Variants in MMP26 observed in about 807,000 individuals in gnomAD.
The protein encoded by MMP26 is matrix metalloproteinase-26.
A neutral mutation model predicts 31.0 loss-of-function variants in MMP26; 33 were observed. The ratio of observed to expected loss-of-function variants is 1.06; its 90% CI spans 0.81 to 1.42. The LOEUF (loss-of-function observed/expected upper bound fraction) is 1.42, where lower values mean the gene tolerates loss of function less well. Ranked by LOEUF, MMP26 falls within the 40% of genes most tolerant of loss-of-function variation. MMP26 has a pLI of 0.00. For missense variants in MMP26, 347 were observed against 316.1 expected, an observed-to-expected ratio of 1.10 and a Z score of -0.74; for synonymous variants, 122 against 114.9, an observed-to-expected ratio of 1.06 and a Z score of -0.40.
chr11:4,828,572 A>T (rs1402554884), intron 2 of MMP26, among the ~76,000 whole-genome samples: 3 of 152,060 alleles, frequency 2.0e-5, no homozygotes, highest in Non-Finnish European at 4.4e-5. Context: ...AAGCGGGGGG[A>T]GATTTTTTAT....
chr11:4,988,667 A>T (rs1372588677), intron 3 of MMP26, among the ~76,000 whole-genome samples: 1 of 152,096 alleles, frequency 6.6e-6, no homozygotes, highest in East Asian at 1.9e-4. Flanking sequence ...AAATCATTCA[A>T]ATAAATTAAT....
chr11:4,713,722 C>T (rs1847890932), intron 1 of MMP26, among the ~76,000 whole-genome samples: 1 of 151,976 alleles, frequency 6.6e-6, no homozygotes, highest in Non-Finnish European at 1.5e-5. Context: ...ATATAAAATT[C>T]ACCTAAATAA....
intron 2 of MMP26, among the ~76,000 whole-genome samples, chr11:4,842,420 A>G (rs1279957170): frequency 6.6e-6 from 1 of 152,228 alleles, no homozygotes; most frequent in Non-Finnish European, 1.5e-5. Flanking sequence ...ACAGGAGGCA[A>G]GGCTGTGGAG....
At chr11:4,918,271 C>T (rs1851128572) in intron 2 of MMP26, among the ~76,000 whole-genome samples, 1 of 152,018 alleles carries the variant, frequency 6.6e-6, no homozygotes, top group African/African-American at 2.4e-5. Flanking sequence ...TAACGAATCC[C>T]AGCAATTATT....
intron 2 of MMP26, chr11:4,955,765 G>A (rs1304248349): frequency 2.0e-6 from 3 of 1,531,168 alleles, no homozygotes; most frequent in Admixed American, 3.9e-5. Context: ...CTGACCTCAG[G>A]TGATCCGCTT....
At position 4,955,200 on chromosome 11, in the gene MMP26, T is replaced by G. The variant is rs140406262; in HGVS notation, c.-144-32868T>G. 356 of 1,285,676 alleles carry G rather than the reference T, an allele frequency of 2.8e-4. 25 individuals carry two copies. The African/African-American group carries it at 4.1e-3, about 15-fold the overall frequency. 79.6% of individuals were successfully genotyped at this position (1,285,676 alleles called of 1,614,324 possible). On this transcript the variant is annotated intron_variant, in intron 2 of 7. Transcript: ENST00000380390. ...TAGGAATGGGATAATTGGTTTTTCT[T>G]GCAATATCTCAAGCTTCTTAAAGTG...
intron 2 of MMP26, among the ~76,000 whole-genome samples, chr11:4,799,404 T>G (rs1849152002): frequency 6.6e-6 from 1 of 151,866 alleles, no homozygotes; most frequent in Non-Finnish European, 1.5e-5. Flanking sequence ...CAAGAAGCTC[T>G]CACATGAACT....
intron 2 of MMP26, among the ~76,000 whole-genome samples, chr11:4,778,997 T>A (rs1415943368): frequency 6.6e-6 from 1 of 152,074 alleles, no homozygotes; most frequent in Non-Finnish European, 1.5e-5. Flanking sequence ...TTGTATGTAG[T>A]GCTATGCCTC....
At chr11:4,845,549 G>C (rs528107144) in intron 2 of MMP26, among the ~76,000 whole-genome samples, 3 of 152,056 alleles carry the variant, frequency 2.0e-5, no homozygotes, top group African/African-American at 7.2e-5. Flanking sequence ...AATTTCTTGA[G>C]CAATATCCCA....
intron 2 of MMP26, among the ~76,000 whole-genome samples, chr11:4,895,607 A>G (rs902661404): frequency 3.3e-5 from 5 of 152,236 alleles, no homozygotes; most frequent in African/African-American, 1.2e-4. Context: ...TGAAGTGAAT[A>G]GTGCCAACAT....
chr11:4,792,657 TAGAG>T (rs1849045239), intron 2 of MMP26, among the ~76,000 whole-genome samples: 2 of 152,146 alleles, frequency 1.3e-5, no homozygotes, highest in South Asian at 2.1e-4. Flanking sequence ...GAAAATCCGA[TAGAG>T]AGTTAAAAAT....
intron 2 of MMP26, among the ~76,000 whole-genome samples, chr11:4,933,568 T>TTG (rs1851384796): frequency 6.6e-6 from 1 of 151,868 alleles, no homozygotes; most frequent in South Asian, 2.1e-4. Context: ...TTGTTTTGTT[T>TTG]TTTTTATTTT....
At chr11:4,959,340 T>C (rs981301459) in intron 2 of MMP26, among the ~76,000 whole-genome samples, 1 of 152,028 alleles carries the variant, frequency 6.6e-6, no homozygotes, top group Non-Finnish European at 1.5e-5. Flanking sequence ...AGGAGGCCAT[T>C]ATATCCACAG....
chr11:4,901,440 G>A, intron 2 of MMP26, among the ~76,000 whole-genome samples: 1 of 152,048 alleles, frequency 6.6e-6, no homozygotes, highest in East Asian at 1.9e-4. Flanking sequence ...GATTACAGGT[G>A]TGAGCCACCA....
chr11:4,895,117 AT>A, intron 2 of MMP26, among the ~76,000 whole-genome samples: 1 of 152,282 alleles, frequency 6.6e-6, no homozygotes, highest in Non-Finnish European at 1.5e-5. Context: ...TTACTCAAAT[AT>A]TTTTAATTAA....
chr11:4,864,753 C>A (rs986605181), intron 2 of MMP26, among the ~76,000 whole-genome samples: 12 of 151,986 alleles, frequency 7.9e-5, no homozygotes, highest in Non-Finnish European at 1.5e-5. Context: ...ACTTGAACTC[C>A]CCTGAAGATA....
intron 2 of MMP26, chr11:4,954,856 C>T (rs2570572): frequency 0.7 from 716,149 of 1,023,012 alleles, 322,588 homozygotes; most frequent in East Asian, 0.82. Context: ...GTTTCATCAG[C>T]GGAGGTACAA....
chr11:4,843,883 G>T (rs1849831251), intron 2 of MMP26, among the ~76,000 whole-genome samples: 1 of 152,076 alleles, frequency 6.6e-6, no homozygotes, highest in African/African-American at 2.4e-5. Context: ...TCATGCATAT[G>T]GGTGTACACC....
chr11:4,933,896 C>T (rs1166380421), intron 2 of MMP26, among the ~76,000 whole-genome samples: 3 of 149,308 alleles, frequency 2.0e-5, no homozygotes, highest in African/African-American at 4.9e-5. Context: ...CTACAAAGGA[C>T]GTGAACTCAT....
Sources: allele counts gnomAD v4.1 joint callset (sites outside exome capture counted in the v4.1 genomes callset), GRCh38; gene constraint gnomAD v4.1.1; transcripts MANE v1.5; gene names NCBI Gene and HGNC (gene_info 2026-07-23, HGNC 2026-07-21).